EPHB6: variants seen among roughly 807,000 people sequenced by gnomAD.
EPHB6 encodes the protein ephrin type-B receptor 6.
A neutral mutation model predicts 107.0 loss-of-function variants in EPHB6; 51 were observed. The observed-to-expected ratio is 0.48, with a 90% CI of 0.38 to 0.60. EPHB6 has a LOEUF of 0.60. EPHB6 is among the 20% of genes least tolerant of loss of function. The probability of loss-of-function intolerance (pLI) is 0.00; values close to 1 mark genes in which losing one functional copy is unlikely to be tolerated. For synonymous variants in EPHB6, 553 were observed against 549.0 expected, an observed-to-expected ratio of 1.01 and a Z score of -0.10; for missense variants, 1,141 against 1,355.5, an observed-to-expected ratio of 0.84 and a Z score of 2.48.
chr7:142,870,946 G>T lies in EPHB6; in HGVS notation c.*42G>T. 6.3e-7 allele frequency: 1 copy of T among 1,578,370 alleles called. No homozygotes were observed. On this transcript the variant is annotated 3_prime_UTR_variant, in exon 20 of 20. Transcript: ENST00000652003. ...GACTCAGCCCTGGACACTGGTCCGA[G>T]AAGGGACATGTGGGACGTGAGCCGG...
At chr7:142,858,341 A>G (rs1233203063) in intron 1 of EPHB6, among the ~76,000 whole-genome samples, 1 of 151,536 alleles carries the variant, frequency 6.6e-6, no homozygotes, top group Admixed American at 6.6e-5. Context: ...TCATGAAAAT[A>G]TCATATTTAG....
chr7:142,866,433 G>T lies in EPHB6; in HGVS notation c.1463-48G>T. ...CCGCCCTCCCCTCAAGGCTGATCCT[G>T]CTCCCAGGGACTCCTATCCCCATAA... On this transcript the variant is annotated intron_variant, in intron 9 of 19. Transcript: ENST00000652003. This position sits in a 1 kb window ranked among gnomAD's most constrained non-coding sequence, Gnocchi z 5.2. 1 of 1,613,278 alleles carries T rather than the reference G, an allele frequency of 6.2e-7. No homozygotes were observed.
rs571265838 is a variant in EPHB6, at chr7:142,869,713, A to C, written c.2461-104A>C. ...AGGGTTGTTATGAGGATTAAATGAG[A>C]TGCTTGATGTAAAACCCTTGGCATA... On this transcript the variant is annotated intron_variant, in intron 16 of 19. Coordinates refer to ENST00000652003, the MANE Select transcript of EPHB6 (RefSeq NM_004445.6). The surrounding 1 kb of genome is among the most constrained non-coding windows in gnomAD (Gnocchi z 4.5). 1.5e-6 allele frequency: 2 copies of C among 1,318,464 alleles called. No individual in the cohort carries two copies. Among genetic ancestry groups the C allele is most frequent in the South Asian group, 2.5e-5 (2 of 79,762 alleles). The allele number at this position is 1,318,464 out of a possible 1,614,324, so 81.7% of individuals were successfully genotyped here. A position where few individuals can be genotyped will look rare whatever the true frequency, so the allele number is the denominator to read the frequency against.
In EPHB6 at chr7:142,863,695, G is replaced by C. The variant is rs763119570; in HGVS notation, c.165G>C (p.Gly55=). 7 of 1,613,688 alleles carry C rather than the reference G, an allele frequency of 4.3e-6. No individual in the cohort carries two copies. In the Admixed American group the frequency reaches 1.2e-4, roughly 27 times the overall value. The part of the protein sequence containing the change: ...EIGWLTYPPG[G]WDEVSVLDDQ... ...GCTGGCTCACCTACCCACCAGGGGGGGTGAGTGCCACTCTAATTCTGAACC... is the reference window on the plus strand; with the variant it reads ...GCTGGCTCACCTACCCACCAGGGGGCGTGAGTGCCACTCTAATTCTGAACC... The change falls in exon 6 of 20, where the codon GGG becomes GGC. Residue 55 remains glycine, a splice_region_variant and synonymous_variant. Transcript: ENST00000652003.
Position 142,866,848 on chromosome 7 carries a change from G to T in EPHB6, c.1588-58G>T. On this transcript the variant is annotated intron_variant, in intron 10 of 19. Coordinates refer to ENST00000652003, the MANE Select transcript of EPHB6 (RefSeq NM_004445.6). This position sits in a 1 kb window ranked among gnomAD's most constrained non-coding sequence, Gnocchi z 5.2. ...CCAGGGAGGGTGGCTGGGGGCCTTA[G>T]GGGCAGAAGCAGGGGCAAGAGGGGG... is the stretch of plus-strand genomic sequence containing the variant. 3.1e-6 allele frequency: 5 copies of T among 1,613,572 alleles called. No individual in the cohort carries two copies. Among genetic ancestry groups the T allele is most frequent in the Non-Finnish European group, 3.4e-6 (4 of 1,179,720 alleles).
In EPHB6 at chr7:142,869,930, T is replaced by C. The variant is rs1228576726; in HGVS notation, c.2574T>C (p.Tyr858=). ...FGILMWEVMS[Y]GERPYWDMSE... ...TACTCATGTGGGAAGTGATGAGTTA[T>C]GGAGAACGGCCTTACTGGGACATGA... The change falls in exon 17 of 20, where the codon TAT becomes TAC. Residue 858 remains tyrosine, a synonymous_variant. Coordinates refer to ENST00000652003, the MANE Select transcript of EPHB6 (RefSeq NM_004445.6). The surrounding 1 kb of genome is among the most constrained non-coding windows in gnomAD (Gnocchi z 4.5). 3 of 1,614,188 alleles carry C rather than the reference T, an allele frequency of 1.9e-6. No individual in the cohort carries two copies. The highest frequency in any genetic ancestry group is 1.1e-5 in the South Asian group (1 of 91,080).
rs778223485 is a variant in EPHB6, at chr7:142,855,656, A to T, written c.-432+271A>T. Among the ~76,000 whole-genome samples, 8 of 152,096 alleles carry T rather than the reference A, an allele frequency of 5.3e-5. No individual in the cohort carries two copies. Among genetic ancestry groups the T allele is most frequent in the Admixed American group, 6.5e-5 (1 of 15,278 alleles). ...TAGGATCCCCCAGTTGCGTTCCCAG[A>T]CATTCTCCTCTGGCTCTGGCTTGGG... On this transcript the variant is annotated intron_variant, in intron 1 of 19. Coordinates refer to ENST00000652003, the MANE Select transcript of EPHB6 (RefSeq NM_004445.6). This position sits in a 1 kb window ranked among gnomAD's most constrained non-coding sequence, Gnocchi z 4.2.
At chr7:142,865,793 C>T (rs891595884) in intron 8 of EPHB6, among the ~76,000 whole-genome samples, 163 bp downstream of exon 8, 1 of 150,638 alleles carries the variant, frequency 6.6e-6, no homozygotes, top group African/African-American at 2.4e-5. Context: ...CTCTCCCTGA[C>T]CCATCCTTCC....
Position 142,865,442 on chromosome 7 carries a change from G to T in EPHB6, c.950-33G>T, listed in dbSNP as rs770756238. 1.9e-6 allele frequency: 3 copies of T among 1,611,898 alleles called. No homozygotes were observed. The South Asian group carries it at 3.3e-5, about 18-fold the overall frequency. On this transcript the variant is annotated intron_variant, in intron 7 of 19. Transcript: ENST00000652003. ...AGCTCAGGGTGGGTGGACAGAGCGAGTGTGACGCCCCCACTCTCCTCTGCC... is the reference window on the plus strand; with the variant it reads ...AGCTCAGGGTGGGTGGACAGAGCGATTGTGACGCCCCCACTCTCCTCTGCC...
At chr7:142,865,776 C>T (rs150739362) in intron 8 of EPHB6, 146 bp downstream of exon 8, 12 of 1,199,076 alleles carry the variant, frequency 1.0e-5, no homozygotes, top group Non-Finnish European at 1.3e-5. Flanking sequence ...CCTGTCCCCA[C>T]CCCCTTCTCT....
chr7:142,866,796 T>G lies in EPHB6; in HGVS notation c.1588-110T>G, dbSNP rs1173564118. On this transcript the variant is annotated intron_variant, in intron 10 of 19. Transcript: ENST00000652003. This position sits in a 1 kb window ranked among gnomAD's most constrained non-coding sequence, Gnocchi z 5.2. ...AGAGGTGCCCAGAAGTGTGCAGCAC[T>G]GGGCATGTGTCTGAGAGCCCTGTCA... 1 of 1,592,364 alleles carries G rather than the reference T, an allele frequency of 6.3e-7. No homozygotes were observed. Among genetic ancestry groups the G allele is most frequent in the Non-Finnish European group, 8.6e-7 (1 of 1,162,796 alleles).
In EPHB6 at chr7:142,868,895, C is replaced by T; in HGVS notation, c.2287-79C>T. 6.3e-7 allele frequency: 1 copy of T among 1,580,890 alleles called. No homozygotes were observed. On this transcript the variant is annotated intron_variant, in intron 15 of 19. Coordinates refer to ENST00000652003, the MANE Select transcript of EPHB6 (RefSeq NM_004445.6). The surrounding 1 kb of genome is among the most constrained non-coding windows in gnomAD (Gnocchi z 4.2). The stretch of plus-strand genomic sequence containing the variant: ...GATTCGACACCCTCCCGCTCTCATG[C>T]TGTTGTCTGCTATGCAGTATGTTGA...
At position 142,869,984 on chromosome 7, in the gene EPHB6, C is replaced by G; in HGVS notation, c.2610+18C>G. On this transcript the variant is annotated intron_variant, in intron 17 of 19. Transcript: ENST00000652003. This position sits in a 1 kb window ranked among gnomAD's most constrained non-coding sequence, Gnocchi z 4.5. ...AGCAGGAGGTGAGCACTGACCTAGA[C>G]ACTGCTGATTTCCCACCCCGATCCC... is the stretch of plus-strand genomic sequence containing the variant. The G allele has an allele frequency of 6.2e-7, 1 of 1,614,158 alleles. No homozygotes were observed. Among genetic ancestry groups the G allele is most frequent in the South Asian group, 1.1e-5 (1 of 91,078 alleles).
rs762220959 is a variant in EPHB6 at position 142,866,915 on chromosome 7, G to A, written c.1597G>A (p.Glu533Lys). Residue 533 changes from glutamate to lysine, a missense_variant, in exon 11 of 20, where the codon GAA (glutamate) becomes AAA (lysine). Around this residue, in one of 3 missense-constraint regions of EPHB6, gnomAD observed 616 missense variants for 759.3 expected, o/e 0.81. Transcript: ENST00000652003. The surrounding 1 kb of genome is among the most constrained non-coding windows in gnomAD (Gnocchi z 5.2). ...QLRYYDQAED[E>K]SHSFTLTSET... Reference sequence around the variant, plus strand: ...TGGCTGTTACCCCCAGGCAGAAGACGAATCCCACTCCTTCACCCTGACCAG... The same window carrying A: ...TGGCTGTTACCCCCAGGCAGAAGACAAATCCCACTCCTTCACCCTGACCAG... 6.2e-6 allele frequency: 10 copies of A among 1,614,004 alleles called. No homozygotes were observed. Among genetic ancestry groups the A allele is most frequent in the Non-Finnish European group, 8.5e-6 (10 of 1,179,978 alleles).
chr7:142,858,420 A>ATTTTTTTTT (rs1554519357), intron 1 of EPHB6, among the ~76,000 whole-genome samples: 1 of 110,052 alleles, frequency 9.1e-6, no homozygotes, highest in African/African-American at 3.5e-5. Flanking sequence ...CTTTTAAGTC[A>ATTTTTTTTT]TTCTTTTTTT....
intron 1 of EPHB6, among the ~76,000 whole-genome samples, chr7:142,859,941 A>G (rs147176823): frequency 1.2e-3 from 190 of 152,240 alleles, no homozygotes; most frequent in African/African-American, 4.2e-3. Context: ...TCGTGTTGTC[A>G]TTACGAGGCA....
Position 142,864,712 on chromosome 7 carries a change from T to G in EPHB6, c.912T>G (p.Pro304=). ...MVAVGGCRCQ[P]GYQPARGDKA... ...CTGTCGGGGGCTGCCGCTGCCAGCCTGGATACCAACCAGCACGAGGAGACA... is the reference window on the plus strand; with the variant it reads ...CTGTCGGGGGCTGCCGCTGCCAGCCGGGATACCAACCAGCACGAGGAGACA... The change falls in exon 7 of 20, where the codon CCT becomes CCG. Residue 304 remains proline (P), a synonymous_variant. Transcript: ENST00000652003. The G allele has an allele frequency of 6.2e-7, 1 of 1,612,876 alleles. No individual in the cohort carries two copies. The highest frequency in any genetic ancestry group is 1.7e-5 in the Admixed American group (1 of 60,012).
rs778363382 is a variant in EPHB6, at chr7:142,863,747, G to C, written c.165+52G>C. ...GAATCCCTTGGCCCTGCCCCTCCCT[G>C]TTCCCTGGAGAGTGGAATTCATGAA... On this transcript the variant is annotated intron_variant, in intron 6 of 19. Transcript: ENST00000652003. 7 of 1,589,902 alleles carry C rather than the reference G, an allele frequency of 4.4e-6. No individual in the cohort carries two copies. In the South Asian group the frequency reaches 4.4e-5, roughly 10 times the overall value.
chr7:142,867,929 G>A lies in EPHB6; in HGVS notation c.1866-68G>A, dbSNP rs2116462251. 4 of 1,546,824 alleles carry A rather than the reference G, an allele frequency of 2.6e-6. No homozygotes were observed. The highest frequency in any genetic ancestry group is 1.2e-5 in the South Asian group (1 of 83,974). On this transcript the variant is annotated intron_variant, in intron 12 of 19. Coordinates refer to ENST00000652003, the MANE Select transcript of EPHB6 (RefSeq NM_004445.6). The surrounding 1 kb of genome is among the most constrained non-coding windows in gnomAD (Gnocchi z 5.3). ...CAGACCGACTAAAGAGCAGTCTGGA[G>A]GGTGACAAGGGGGCAGCAAGGGGGT...
Sources: allele counts gnomAD v4.1 joint callset (sites outside exome capture counted in the v4.1 genomes callset), GRCh38; gene constraint gnomAD v4.1.1; regional missense constraint gnomAD v4.1.1; non-coding constraint Gnocchi (gnomAD v3.1); transcripts MANE v1.5; gene names NCBI Gene and HGNC (gene_info 2026-07-23, HGNC 2026-07-21).